The following RNFT2 variants were observed in gnomAD, a reference collection of about 807,000 sequenced individuals.
The protein encoded by RNFT2 is E3 ubiquitin-protein ligase RNFT2.
In RNFT2, 36 loss-of-function variants were observed where a neutral mutation model predicts 53.0. The ratio of observed to expected loss-of-function variants is 0.68; its 90% confidence interval spans 0.52 to 0.90. The LOEUF is 0.90. Ranked by LOEUF, RNFT2 falls within the 40% of genes least tolerant of loss-of-function variation. The probability of loss-of-function intolerance (pLI) is 0.00; values close to 1 mark genes in which losing one functional copy is unlikely to be tolerated. For synonymous variants in RNFT2, 260 were observed against 253.2 expected, an observed-to-expected ratio of 1.03 and a Z score of -0.26; for missense variants, 514 against 585.6, an observed-to-expected ratio of 0.88 and a Z score of 1.26.
chr12:116,819,529 G>C (rs1309304271), intron 7 of RNFT2, among the ~76,000 whole-genome samples: 1 of 152,084 alleles, frequency 6.6e-6, no homozygotes, highest in Non-Finnish European at 1.5e-5. Context: ...CCGACGCGGT[G>C]ATCTCATCCG....
intron 7 of RNFT2, among the ~76,000 whole-genome samples, chr12:116,817,729 T>C (rs1592976577): frequency 6.6e-6 from 1 of 152,220 alleles, no homozygotes; most frequent in African/African-American, 2.4e-5. Context: ...CTAGAAAGTA[T>C]GGAGTAAGAC....
rs147947093 is a variant in RNFT2, at chr12:116,851,603, G to T, written c.*2155G>T. ...AAAAATACAAAAATTAGCCGGGCGC[G>T]GTGGCGGGTGCCTGTAATCCCAGCT... On this transcript the variant is annotated 3_prime_UTR_variant, in exon 11 of 11. Transcript: ENST00000257575. 4.9e-4 allele frequency: 297 copies of T among 600,614 alleles called. 1 individual carries two copies. Among genetic ancestry groups the T allele is most frequent in the African/African-American group, 4.9e-3 (264 of 53,930 alleles). 37.2% of individuals were successfully genotyped at this position (600,614 alleles called of 1,614,324 possible). A position where few individuals can be genotyped will look rare whatever the true frequency, so the allele number is the denominator to read the frequency against.
intron 6 of RNFT2, among the ~76,000 whole-genome samples, chr12:116,770,932 CAG>C (rs1873147725): frequency 6.6e-6 from 1 of 152,082 alleles, no homozygotes; most frequent in South Asian, 2.1e-4. Context: ...CTCACTAAAA[CAG>C]AGGTTGGCAG....
intron 5 of RNFT2, chr12:116,755,469 T>C (rs1306916785): frequency 7.0e-6 from 8 of 1,140,874 alleles, no homozygotes; most frequent in Non-Finnish European, 8.0e-6. Flanking sequence ...TGTGCTTCTC[T>C]GGGTGGAGCA....
chr12:116,805,840 C>A lies in RNFT2; in HGVS notation c.882+26492C>A, dbSNP rs146381180. On this transcript the variant is annotated intron_variant, in intron 7 of 10. Coordinates refer to ENST00000257575, the MANE Select transcript of RNFT2 (RefSeq NM_001382266.1). ...GAAACCTCAGTCTTGTTCTTACAGC[C>A]CTTCAGCTGATTGGATGAGGTTCAC... Among the ~76,000 whole-genome samples the A allele has an allele frequency of 9.6e-3, 1,468 of 152,290 alleles. 11 individuals carry two copies. Among genetic ancestry groups the A allele is most frequent in the Non-Finnish European group, 0.015 (994 of 68,022 alleles).
intron 7 of RNFT2, among the ~76,000 whole-genome samples, chr12:116,797,448 A>G (rs1874555553): frequency 6.6e-6 from 1 of 151,996 alleles, no homozygotes; most frequent in Non-Finnish European, 1.5e-5. Flanking sequence ...TAATCCCAGT[A>G]CTTGGGAGAC....
chr12:116,741,994 A>G (rs1871630196), intron 3 of RNFT2, among the ~76,000 whole-genome samples: 1 of 152,184 alleles, frequency 6.6e-6, no homozygotes, highest in Non-Finnish European at 1.5e-5. Context: ...CATTGAGATC[A>G]TAGCTCTGAG....
chr12:116,803,755 A>C (rs1874918458), intron 7 of RNFT2, among the ~76,000 whole-genome samples: 1 of 152,194 alleles, frequency 6.6e-6, no homozygotes, highest in African/African-American at 2.4e-5. Context: ...GGTGTATATA[A>C]AAGTCATCTG....
intron 7 of RNFT2, chr12:116,801,240 A>G (rs1874780788): frequency 1.3e-5 from 2 of 152,236 alleles, no homozygotes; most frequent in Non-Finnish European, 2.9e-5. Flanking sequence ...TCTCACCGTC[A>G]GGTTTTACTG....
intron 7 of RNFT2, among the ~76,000 whole-genome samples, chr12:116,821,012 A>C (rs1483379612): frequency 1.3e-5 from 2 of 152,000 alleles, no homozygotes; most frequent in Non-Finnish European, 2.9e-5. Context: ...TCATCTAAGA[A>C]ATGGGAACGC....
chr12:116,822,459 T>TG (rs760297194), intron 7 of RNFT2, among the ~76,000 whole-genome samples: 1 of 152,082 alleles, frequency 6.6e-6, no homozygotes, highest in Non-Finnish European at 1.5e-5. Context: ...CTGCGTCACC[T>TG]GGGGCAGGTT....
At chr12:116,760,517 C>T (rs1042075246) in intron 5 of RNFT2, among the ~76,000 whole-genome samples, 10 of 152,224 alleles carry the variant, frequency 6.6e-5, no homozygotes, top group African/African-American at 2.2e-4. Flanking sequence ...GGCCTTGCTG[C>T]TGCTTCCTCT....
At chr12:116,824,619 A>C (rs1055906758) in intron 7 of RNFT2, among the ~76,000 whole-genome samples, 1 of 152,170 alleles carries the variant, frequency 6.6e-6, no homozygotes, top group Non-Finnish European at 1.5e-5. Flanking sequence ...GTGGGGAAGA[A>C]TAAGGTGAAA....
chr12:116,824,817 C>T (rs1052421957), intron 7 of RNFT2, among the ~76,000 whole-genome samples: 4 of 152,112 alleles, frequency 2.6e-5, no homozygotes, highest in Admixed American at 6.6e-5. Flanking sequence ...TTTCAGAGGC[C>T]TTATCTTTAA....
At chr12:116,791,613 A>G (rs554114330) in intron 7 of RNFT2, among the ~76,000 whole-genome samples, 1 of 152,288 alleles carries the variant, frequency 6.6e-6, no homozygotes, top group Admixed American at 6.5e-5. Flanking sequence ...CCCGGCTTTC[A>G]TTCCTTCTTA....
chr12:116,834,850 CT>C (rs140178133), intron 8 of RNFT2, among the ~76,000 whole-genome samples: 8,851 of 136,590 alleles, frequency 0.065, 643 homozygotes, highest in African/African-American at 0.18. Context: ...ATTATTACTC[CT>C]TTTTTTTTTT....
chr12:116,771,973 C>T (rs1315421846), intron 6 of RNFT2, among the ~76,000 whole-genome samples: 1 of 152,226 alleles, frequency 6.6e-6, no homozygotes. Context: ...CTCCTGAGTT[C>T]CTTCAGGGCT....
At chr12:116,787,519 A>C (rs1393284112) in intron 7 of RNFT2, among the ~76,000 whole-genome samples, 1 of 152,188 alleles carries the variant, frequency 6.6e-6, no homozygotes, top group Non-Finnish European at 1.5e-5. Flanking sequence ...TAGCCTGGGC[A>C]ACACAGCAAG....
At chr12:116,837,141 T>G (rs571903463) in intron 10 of RNFT2, among the ~76,000 whole-genome samples, 1 of 152,272 alleles carries the variant, frequency 6.6e-6, no homozygotes, top group South Asian at 2.1e-4. Context: ...CGGTTCCTTT[T>G]AAATCCCTAA....
Sources: allele counts gnomAD v4.1 joint callset (sites outside exome capture counted in the v4.1 genomes callset), GRCh38; gene constraint gnomAD v4.1.1; transcripts MANE v1.5; gene names NCBI Gene and HGNC (gene_info 2026-07-23, HGNC 2026-07-21).